NCALD: variants seen among roughly 807,000 people sequenced by gnomAD.
NCALD encodes the protein neurocalcin-delta.
Under a neutral mutation model 18.6 loss-of-function variants are expected in NCALD, and 10 were observed. The ratio of observed to expected loss-of-function variants is 0.54; its 90% CI spans 0.33 to 0.91. NCALD has a LOEUF of 0.91. NCALD is among the 40% of genes least tolerant of loss of function. The probability of loss-of-function intolerance (pLI) is 0.03; values close to 1 mark genes in which losing one functional copy is unlikely to be tolerated. For synonymous variants in NCALD, 88 were observed against 87.4 expected, an observed-to-expected ratio of 1.01 and a Z score of -0.04; for missense variants, 184 against 247.6, an observed-to-expected ratio of 0.74 and a Z score of 1.72.
At chr8:101,957,289 G>GTTTTTTTTTTTTTTTTTTTTTTTTTT (rs11305701) in intron 2 of NCALD, among the ~76,000 whole-genome samples, 1 of 99,508 alleles carries the variant, frequency 1.0e-5, no homozygotes, top group African/African-American at 4.0e-5. Context: ...AAAAGTTGGG[G>GTTTTTTTTTTTTTTTTTTTTTTTTTT]TTTTTTTTTT....
chr8:102,040,462 AG>A (rs1407381025), intron 1 of NCALD, among the ~76,000 whole-genome samples: 24 of 126,958 alleles, frequency 1.9e-4, no homozygotes, highest in African/African-American at 6.4e-4. Flanking sequence ...TGATAGAGTG[AG>A]AATCCATCAA....
chr8:101,885,426 CCT>C (rs1307495216), intron 4 of NCALD, among the ~76,000 whole-genome samples: 3 of 152,180 alleles, frequency 2.0e-5, no homozygotes, highest in Non-Finnish European at 4.4e-5. Context: ...ATGGAAAGCC[CCT>C]GTTAGGAAGT....
intron 1 of NCALD, among the ~76,000 whole-genome samples, chr8:102,095,580 T>C (rs1393262785): frequency 6.6e-6 from 1 of 152,172 alleles, no homozygotes; most frequent in Non-Finnish European, 1.5e-5. Context: ...AAAGGTTCAG[T>C]TAACTGACAC....
intron 2 of NCALD, among the ~76,000 whole-genome samples, chr8:101,990,834 T>C (rs1821017214): frequency 6.6e-6 from 1 of 152,202 alleles, no homozygotes; most frequent in Non-Finnish European, 1.5e-5. Context: ...AATATTCTCC[T>C]AAATATAGCC....
intron 4 of NCALD, among the ~76,000 whole-genome samples, chr8:101,880,558 G>C (rs775615334): frequency 3.9e-5 from 6 of 152,206 alleles, no homozygotes; most frequent in Non-Finnish European, 7.3e-5. Context: ...CTGCCAGCAC[G>C]CTGTCACCTC....
intron 3 of NCALD, among the ~76,000 whole-genome samples, chr8:101,914,183 C>T (rs747687576): frequency 6.6e-6 from 1 of 152,186 alleles, no homozygotes; most frequent in African/African-American, 2.4e-5. Context: ...GACTATCTCT[C>T]AGACTTGAGT....
At chr8:101,941,537 A>G (rs535269205) in intron 2 of NCALD, among the ~76,000 whole-genome samples, 25 of 152,334 alleles carry the variant, frequency 1.6e-4, no homozygotes, top group Admixed American at 4.6e-4. Context: ...TCATTCATTC[A>G]CTATATGTAT....
intron 4 of NCALD, among the ~76,000 whole-genome samples, chr8:101,855,589 G>A (rs1202538225): frequency 6.6e-6 from 1 of 152,140 alleles, no homozygotes. Context: ...ATATACTCAA[G>A]AAATTGAATC....
intron 1 of NCALD, among the ~76,000 whole-genome samples, chr8:101,790,375 A>C (rs955304913): frequency 6.6e-6 from 1 of 152,088 alleles, no homozygotes; most frequent in African/African-American, 2.4e-5. Context: ...TTTCAGTTAT[A>C]ATGTTATTTC....
chr8:101,938,641 C>G (rs1431369193), intron 2 of NCALD, among the ~76,000 whole-genome samples: 1 of 136,272 alleles, frequency 7.3e-6, no homozygotes, highest in East Asian at 2.1e-4. Context: ...ATGCAACAAA[C>G]AAAGAAATAA....
chr8:101,966,439 A>G (rs957780791), intron 2 of NCALD, among the ~76,000 whole-genome samples: 45 of 143,612 alleles, frequency 3.1e-4, no homozygotes, highest in African/African-American at 1.1e-3. Flanking sequence ...CAATGAGAAC[A>G]CATGGACACA....
At chr8:101,793,323 C>G (rs917168473), upstream of NCALD, among the ~76,000 whole-genome samples, 1 of 148,130 alleles carries the variant, frequency 6.8e-6, no homozygotes, top group Non-Finnish European at 1.5e-5. Flanking sequence ...GCACTCCAGC[C>G]TGGGTGACAG....
intron 1 of NCALD, among the ~76,000 whole-genome samples, chr8:101,787,579 A>G (rs1367029256): frequency 1.3e-5 from 2 of 152,182 alleles, no homozygotes; most frequent in East Asian, 3.8e-4. Context: ...AATATCAGGC[A>G]CTATTTTCTG....
chr8:101,750,953 G>A lies in NCALD; in HGVS notation c.-19-31305C>T, dbSNP rs147597525. On this transcript the variant is annotated intron_variant, in intron 1 of 3. Transcript: ENST00000220931. Reference sequence around the variant, plus strand: ...GTCACACTTGCTTTTAGGGTATATCGCCTAAAAGGTTTTAGGTATGATAAC... The same window carrying A: ...GTCACACTTGCTTTTAGGGTATATCACCTAAAAGGTTTTAGGTATGATAAC... Among the ~76,000 whole-genome samples the A allele has an allele frequency of 2.2e-3, 332 of 152,178 alleles. 1 individual carries two copies. The highest frequency in any genetic ancestry group is 7.3e-3 in the African/African-American group (305 of 41,516).
intron 1 of NCALD, among the ~76,000 whole-genome samples, chr8:101,731,145 G>A (rs964182146): frequency 3.9e-4 from 60 of 152,272 alleles, no homozygotes; most frequent in Non-Finnish European, 4.3e-4. Context: ...AACAGTGAAC[G>A]AGAGGGCTCT....
At chr8:101,823,308 C>G (rs981188237) in intron 4 of NCALD, among the ~76,000 whole-genome samples, 3 of 152,148 alleles carry the variant, frequency 2.0e-5, no homozygotes, top group Non-Finnish European at 4.4e-5. Context: ...TTAGAACTGG[C>G]TGAAAAACTA....
At chr8:101,848,627 C>T (rs1814967701) in intron 4 of NCALD, among the ~76,000 whole-genome samples, 1 of 152,120 alleles carries the variant, frequency 6.6e-6, no homozygotes, top group East Asian at 1.9e-4. Context: ...TGTTTGATTG[C>T]TTTCGGCTCT....
intron 2 of NCALD, among the ~76,000 whole-genome samples, chr8:101,976,888 G>A (rs990547444): frequency 1.3e-5 from 2 of 152,112 alleles, no homozygotes; most frequent in Non-Finnish European, 2.9e-5. Flanking sequence ...GAGAAACACA[G>A]ACACTATGAG....
intron 1 of NCALD, among the ~76,000 whole-genome samples, chr8:102,107,794 G>A (rs563370631): frequency 6.6e-6 from 1 of 152,256 alleles, no homozygotes; most frequent in Non-Finnish European, 1.5e-5. Flanking sequence ...TGTCTTGAGG[G>A]TCCTGCCACA....
Sources: gnomAD v4.1 joint callset for allele counts (sites outside exome capture counted in the v4.1 genomes callset) on GRCh38, gnomAD v4.1.1 for gene constraint, MANE v1.5 for transcripts, NCBI Gene and HGNC (gene_info 2026-07-23, HGNC 2026-07-21) for gene names.